The following RUVBL1 variants were observed in gnomAD, a reference collection of about 807,000 sequenced individuals.
RUVBL1 encodes ruvB-like 1.
Under a neutral mutation model 52.4 loss-of-function variants are expected in RUVBL1, and 4 were observed. That is an observed-to-expected ratio of 0.08 (90% CI 0.04 to 0.17). RUVBL1 has a LOEUF of 0.17. RUVBL1 is among the 10% of genes least tolerant of loss of function. RUVBL1 has a pLI of 1.00. For missense variants in RUVBL1, 298 were observed against 572.8 expected, an observed-to-expected ratio of 0.52 and a Z score of 4.90; for synonymous variants, 217 against 214.4, an observed-to-expected ratio of 1.01 and a Z score of -0.10.
At chr3:128,084,171 T>C (rs1370038530) in intron 9 of RUVBL1, 1 of 152,322 alleles carries the variant, frequency 6.6e-6, no homozygotes, top group African/African-American at 2.4e-5. Context: ...ACATGAAACG[T>C]ATCTGCTGGG....
intron 3 of RUVBL1, among the ~76,000 whole-genome samples, chr3:128,110,074 C>T (rs1943347221): frequency 6.6e-6 from 1 of 152,056 alleles, no homozygotes; most frequent in Admixed American, 6.6e-5. Flanking sequence ...GCCTCGGCCT[C>T]CCAAAGTGCT....
In RUVBL1 at chr3:128,139,492, A is replaced by G. The variant is rs530329187; in HGVS notation, c.-40+13711T>C. Reference sequence around the variant, plus strand: ...CAGAGAGATGCAAATCAAAAGTACAATGGGTATCATCTCACTCCAGTTAAA... The same window carrying G: ...CAGAGAGATGCAAATCAAAAGTACAGTGGGTATCATCTCACTCCAGTTAAA... On this transcript the variant is annotated intron_variant, in intron 1 of 9. Transcript: ENST00000464873. Among the ~76,000 whole-genome samples, 18 of 152,294 alleles carry G rather than the reference A, an allele frequency of 1.2e-4. No individual in the cohort carries two copies. In the East Asian group the frequency reaches 2.9e-3, roughly 24 times the overall value.
chr3:128,096,038 G>A (rs1942960453), intron 8 of RUVBL1, among the ~76,000 whole-genome samples: 1 of 152,108 alleles, frequency 6.6e-6, no homozygotes, highest in African/African-American at 2.4e-5. Context: ...ACTCAGTTTG[G>A]CTCCAGCTGT....
chr3:128,079,151 G>A (rs1942406278), downstream of RUVBL1: 1 of 152,282 alleles, frequency 6.6e-6, no homozygotes, highest in Non-Finnish European at 1.5e-5. Flanking sequence ...TGAAAGGCTT[G>A]GAGCCCAAGT....
At chr3:128,079,640 C>T (rs1226846837), downstream of RUVBL1, among the ~76,000 whole-genome samples, 2 of 152,196 alleles carry the variant, frequency 1.3e-5, no homozygotes, top group Admixed American at 1.3e-4. Context: ...TGAAGGGTCC[C>T]ACCACCACTG....
chr3:128,067,034 G>C lies in RUVBL1; in HGVS notation c.940-1814C>G. On this transcript the variant is annotated intron_variant, in intron 9 of 9. Coordinates refer to the RUVBL1 transcript ENST00000464873. The surrounding 1 kb of genome is among the most constrained non-coding windows in gnomAD (Gnocchi z 4.1). ...CCTATCCCATCAAGCTCTTCTATAC[G>C]TCCAACATCCCCATCATCCTGCAGT... 6 of 1,614,150 alleles carry C rather than the reference G, an allele frequency of 3.7e-6. No homozygotes were observed. The highest frequency in any genetic ancestry group is 5.1e-6 in the Non-Finnish European group (6 of 1,180,036).
At chr3:128,068,259 C>G (rs1223554849) in intron 9 of RUVBL1, among the ~76,000 whole-genome samples, 1 of 152,218 alleles carries the variant, frequency 6.6e-6, no homozygotes, top group Non-Finnish European at 1.5e-5. Context: ...ACTTACAGCC[C>G]CTTTCCTCCA....
chr3:128,136,746 A>G lies in RUVBL1; in HGVS notation c.-40+16457T>C, dbSNP rs549148376. On this transcript the variant is annotated intron_variant, in intron 1 of 9. Coordinates refer to the RUVBL1 transcript ENST00000464873. Reference sequence around the variant, plus strand: ...TCCATGCAAATGAAAACCAAAAAAGAGCAGGAGTAGCTATACTTACAGCAG... The same window carrying G: ...TCCATGCAAATGAAAACCAAAAAAGGGCAGGAGTAGCTATACTTACAGCAG... 2.0e-5 allele frequency among the ~76,000 whole-genome samples: 3 copies of G among 152,312 alleles called. 1 individual carries two copies. In the East Asian group the frequency reaches 5.8e-4, roughly 29 times the overall value.
intron 1 of RUVBL1, among the ~76,000 whole-genome samples, chr3:128,122,838 C>T (rs1943682108): frequency 6.6e-6 from 1 of 152,108 alleles, no homozygotes; most frequent in Non-Finnish European, 1.5e-5. Flanking sequence ...GTTACTAAAA[C>T]GAGTGTCAAG....
Position 128,100,469 on chromosome 3 carries a change from A to G in RUVBL1, c.753+126T>C, listed in dbSNP as rs561344229. The G allele has an allele frequency of 3.3e-5, 37 of 1,135,246 alleles. 1 individual carries two copies. In the South Asian group the frequency reaches 5.5e-4, roughly 17 times the overall value. The allele number at this position is 1,135,246 out of a possible 1,614,324, so 70.3% of individuals were successfully genotyped here. On this transcript the variant is annotated intron_variant, in intron 6 of 10. Coordinates refer to ENST00000322623, the MANE Select transcript of RUVBL1 (RefSeq NM_003707.3). ...AGCTCATGTCGATGTTAATTGCTGA[A>G]CATTACAGATAGAAAAGGACCGTCT...
intron 3 of RUVBL1, among the ~76,000 whole-genome samples, chr3:128,110,696 A>G (rs537567799): frequency 6.6e-6 from 1 of 152,196 alleles, no homozygotes; most frequent in East Asian, 1.9e-4. Context: ...ACAAACTTCA[A>G]TGCTTATGGG....
intron 8 of RUVBL1, among the ~76,000 whole-genome samples, chr3:128,088,859 C>T (rs1467240358): frequency 1.3e-5 from 2 of 152,056 alleles, no homozygotes; most frequent in African/African-American, 4.8e-5. Flanking sequence ...AGGTAGTTTC[C>T]AATTGTTGCT....
downstream of RUVBL1, chr3:128,076,135 T>A (rs1322875663): frequency 6.6e-6 from 1 of 152,374 alleles, no homozygotes; most frequent in Non-Finnish European, 1.5e-5. The surrounding 1 kb of genome is among the most constrained non-coding windows in gnomAD (Gnocchi z 6.8). Context: ...TCCGAGTGGG[T>A]CCCGGCGGAC....
At chr3:128,100,925 G>A (rs1943095674) in intron 5 of RUVBL1, among the ~76,000 whole-genome samples, 181 bp from the exon 6 acceptor site, 1 of 152,102 alleles carries the variant, frequency 6.6e-6, no homozygotes, top group African/African-American at 2.4e-5. Context: ...CTCATCGCTG[G>A]GCTCCAAAAA....
In RUVBL1 at chr3:128,066,612, C is replaced by T. The variant is rs115740119; in HGVS notation, c.940-1392G>A. ...CAGTTTTGTTTATTTTTTGTAGAGA[C>T]GGAGTCTGACTGTGTTGCCCAGGCT... On this transcript the variant is annotated intron_variant, in intron 9 of 9. Coordinates refer to the RUVBL1 transcript ENST00000464873. The T allele has an allele frequency of 9.9e-3, 2,800 of 281,618 alleles. 61 individuals are homozygous for T. Among genetic ancestry groups the T allele is most frequent in the African/African-American group, 0.056 (2,579 of 45,658 alleles). The allele number at this position is 281,618 out of a possible 1,614,324, so 17.4% of individuals were successfully genotyped here.
intron 1 of RUVBL1, among the ~76,000 whole-genome samples, chr3:128,146,679 G>A (rs1944110235): frequency 6.6e-6 from 1 of 151,120 alleles, no homozygotes; most frequent in African/African-American, 2.4e-5. Context: ...GTTTGCGTGT[G>A]CATCTGTGTG....
exon 1 of RUVBL1, chr3:128,153,898 C>T (rs1164821256): frequency 2.1e-6 from 3 of 1,424,728 alleles, no homozygotes; most frequent in Non-Finnish European, 1.8e-6. Context: ...CGAATTCGCT[C>T]GAGCCTTTGC....
In RUVBL1 at chr3:128,081,580, T is replaced by G; in HGVS notation, c.1212-171A>C. 1.5e-6 allele frequency: 1 copy of G among 661,254 alleles called. No individual in the cohort carries two copies. The highest frequency in any genetic ancestry group is 2.5e-6 in the Non-Finnish European group (1 of 394,154). The allele number at this position is 661,254 out of a possible 1,614,324, so 41.0% of individuals were successfully genotyped here. On this transcript the variant is annotated intron_variant, in intron 10 of 10. Transcript: ENST00000322623. This position sits in a 1 kb window ranked among gnomAD's most constrained non-coding sequence, Gnocchi z 4.8. Reference sequence around the variant, plus strand: ...ACAAAGTTGTCACTTCTCAGAGAGCTGCAGTCATTATCCCATCAGAGAGGG... The same window carrying G: ...ACAAAGTTGTCACTTCTCAGAGAGCGGCAGTCATTATCCCATCAGAGAGGG...
intron 1 of RUVBL1, among the ~76,000 whole-genome samples, chr3:128,120,604 C>A (rs550839993): frequency 6.6e-6 from 1 of 152,170 alleles, no homozygotes; most frequent in African/African-American, 2.4e-5. Flanking sequence ...TAACTGAATA[C>A]GTGACTATCT....
Sources: gnomAD v4.1 joint callset for allele counts (sites outside exome capture counted in the v4.1 genomes callset) on GRCh38, gnomAD v4.1.1 for gene constraint, Gnocchi (gnomAD v3.1) non-coding constraint, MANE v1.5 for transcripts, NCBI Gene and HGNC (gene_info 2026-07-23, HGNC 2026-07-21) for gene names.